Variants in RFC1 observed in about 807,000 individuals in gnomAD.
RFC1 encodes replication factor C subunit 1, also known as A1 140 kDa subunit.
Under a neutral mutation model 137.4 loss-of-function variants are expected in RFC1, and 37 were observed. That is an observed-to-expected ratio of 0.27 (90% CI 0.21 to 0.35). The LOEUF (loss-of-function observed/expected upper bound fraction) is 0.35. Ranked by LOEUF, RFC1 falls within the 10% of genes least tolerant of loss-of-function variation. The probability of loss-of-function intolerance (pLI) is 1.00; values close to 1 mark genes in which losing one functional copy is unlikely to be tolerated. For synonymous variants in RFC1, 429 were observed against 455.7 expected (o/e 0.94, Z 0.75); for missense variants, 1,205 against 1,358.5 (o/e 0.89, Z 1.78).
At chr4:39,325,515 T>C (rs1739718136) in intron 6 of RFC1, among the ~76,000 whole-genome samples, 1 of 152,208 alleles carries the variant, frequency 6.6e-6, no homozygotes, top group Non-Finnish European at 1.5e-5. Flanking sequence ...CCCAAGTATC[T>C]GGGACCACAG....
intron 1 of RFC1, among the ~76,000 whole-genome samples, chr4:39,352,209 T>C (rs762903702): frequency 6.6e-5 from 10 of 152,110 alleles, no homozygotes; most frequent in Non-Finnish European, 1.3e-4. Flanking sequence ...CTGTGGAACA[T>C]ATACTCCAGT....
intron 4 of RFC1, among the ~76,000 whole-genome samples, chr4:39,339,532 T>C (rs186085272): frequency 1.2e-4 from 18 of 152,316 alleles, no homozygotes; most frequent in African/African-American, 4.1e-4. Flanking sequence ...TTGGCCACTT[T>C]TATGCATTCT....
intron 14 of RFC1, among the ~76,000 whole-genome samples, chr4:39,305,855 T>G (rs1170736579): frequency 6.6e-6 from 1 of 152,168 alleles, no homozygotes; most frequent in African/African-American, 2.4e-5. Flanking sequence ...AAAAAAATGT[T>G]GTTTTGCTTT....
chr4:39,302,991 G>A lies in RFC1; in HGVS notation c.2202+69C>T, dbSNP rs573661338. ...CATGCCTTAACTGCCCTAAGTATGA[G>A]AGAATGACAATGTTCTAACAATCTA... On this transcript the variant is annotated intron_variant, in intron 16 of 24. Coordinates refer to ENST00000349703, the MANE Select transcript of RFC1 (RefSeq NM_002913.5). 68 of 1,476,546 alleles carry A rather than the reference G, an allele frequency of 4.6e-5. No homozygotes were observed. In the Middle Eastern group the frequency reaches 5.2e-4, roughly 11 times the overall value. 91.5% of individuals were successfully genotyped at this position (1,476,546 alleles called of 1,614,324 possible). A position where few individuals can be genotyped will look rare whatever the true frequency, so the allele number is the denominator to read the frequency against.
Position 39,303,137 on chromosome 4 carries a change from A to C in RFC1, c.2125T>G (p.Ser709Ala). Reference sequence around the variant, plus strand: ...ATGAGAGCATGTTTCGTGCTTACTGAAGAGGCTGCTCCATCTGACCCAGGT... The same window carrying C: ...ATGAGAGCATGTTTCGTGCTTACTGCAGAGGCTGCTCCATCTGACCCAGGT... The part of the protein sequence containing the change: ...KGFYSNGAAS[S>A]VSTKHALIMD... Residue 709 changes from serine (S) to alanine (A), a missense_variant, in exon 16 of 25, where the codon TCA (serine) becomes GCA (alanine). Coordinates refer to ENST00000349703, the MANE Select transcript of RFC1 (RefSeq NM_002913.5). 1 of 1,613,630 alleles carries C rather than the reference A, an allele frequency of 6.2e-7. No individual in the cohort carries two copies. Among genetic ancestry groups the C allele is most frequent in the East Asian group, 2.2e-5 (1 of 44,880 alleles).
In RFC1 at chr4:39,302,483, A is replaced by C; in HGVS notation, c.2436+17T>G. The C allele has an allele frequency of 2.0e-6, 3 of 1,530,718 alleles. No individual in the cohort carries two copies. The highest frequency in any genetic ancestry group is 2.7e-6 in the Non-Finnish European group (3 of 1,105,068). The allele number at this position is 1,530,718 out of a possible 1,614,324, so 94.8% of individuals were successfully genotyped here. On this transcript the variant is annotated intron_variant, in intron 18 of 24. Coordinates refer to ENST00000349703, the MANE Select transcript of RFC1 (RefSeq NM_002913.5). ...AAAAATAATCAACAACTGTTACATG[A>C]TATATATTTAATTTACCTGTCTGAT... is the stretch of plus-strand genomic sequence containing the variant.
At chr4:39,295,833 A>C (rs1395746818) in intron 21 of RFC1, 74 bp from the exon 22 acceptor site, 1 of 1,424,016 alleles carries the variant, frequency 7.0e-7, no homozygotes. Context: ...ATTGGCTTCC[A>C]AACAGTCTAC....
intron 1 of RFC1, among the ~76,000 whole-genome samples, chr4:39,353,057 T>C (rs996649518): frequency 2.0e-5 from 3 of 152,138 alleles, no homozygotes; most frequent in African/African-American, 7.2e-5. Context: ...CAAATAACTG[T>C]GGCTAAGCCA....
chr4:39,308,265 T>C (rs1004161245), intron 13 of RFC1, among the ~76,000 whole-genome samples: 3 of 152,184 alleles, frequency 2.0e-5, no homozygotes, highest in African/African-American at 7.2e-5. Flanking sequence ...TTCACCTAGC[T>C]AGCTCCTACT....
rs574188613 is a variant in RFC1, at chr4:39,293,446, T to C, written c.2955-1594A>G. 9.9e-5 allele frequency among the ~76,000 whole-genome samples: 15 copies of C among 152,204 alleles called. No homozygotes were observed. In the East Asian group the frequency reaches 2.5e-3, roughly 25 times the overall value. ...TGTCAGGGGAATAAAAATCAAAGCA[T>C]TCAGATTCTCAAAAGCATCTATGAC... On this transcript the variant is annotated intron_variant, in intron 22 of 24. Coordinates refer to ENST00000349703, the MANE Select transcript of RFC1 (RefSeq NM_002913.5).
chr4:39,338,250 A>G (rs1041545378), intron 4 of RFC1, among the ~76,000 whole-genome samples: 11 of 152,238 alleles, frequency 7.2e-5, no homozygotes, highest in Non-Finnish European at 1.6e-4. Flanking sequence ...AGTAGAAGAC[A>G]GATCTAATCA....
In RFC1 at chr4:39,346,851, A is replaced by G. The variant is rs77723868; in HGVS notation, c.133-1375T>C. Among the ~76,000 whole-genome samples, 573 of 152,330 alleles carry G rather than the reference A, an allele frequency of 3.8e-3. 3 individuals are homozygous for G. The highest frequency in any genetic ancestry group is 0.013 in the African/African-American group (547 of 41,564). ...AATTCTGCCTGTAAACTTTACCCAA[A>G]TCTCTGGCTATCTCCTGAATTATAC... On this transcript the variant is annotated intron_variant, in intron 2 of 24. Transcript: ENST00000349703.
chr4:39,302,991 G>C (rs573661338), intron 16 of RFC1, 69 bp downstream of exon 16: 1 of 1,476,428 alleles, frequency 6.8e-7, no homozygotes, highest in Non-Finnish European at 9.5e-7. Context: ...CTAAGTATGA[G>C]AGAATGACAA....
chr4:39,315,437 T>C (rs1049628308), intron 10 of RFC1, among the ~76,000 whole-genome samples: 1 of 152,246 alleles, frequency 6.6e-6, no homozygotes, highest in Non-Finnish European at 1.5e-5. Context: ...TCTCTTCTTG[T>C]TCTGTACTAG....
intron 4 of RFC1, among the ~76,000 whole-genome samples, chr4:39,336,574 C>T (rs1044042801): frequency 6.6e-6 from 1 of 152,270 alleles, no homozygotes; most frequent in African/African-American, 2.4e-5. Context: ...CTAACCTCCA[C>T]GTTACTGACA....
At position 39,329,127 on chromosome 4, in the gene RFC1, CAAAAAAAA is replaced by C. The variant is rs71594924; in HGVS notation, c.332-1379_332-1372del. Among the ~76,000 whole-genome samples the C allele has an allele frequency of 9.9e-3, 312 of 31,652 alleles. 4 individuals carry two copies. Among genetic ancestry groups the C allele is most frequent in the African/African-American group, 0.045 (265 of 5,842 alleles). 20.8% of individuals were successfully genotyped at this position (31,652 alleles called of 152,430 possible). ...TAAATTTGTTTGCTTCAGTGACTCACAAAAAAAAAAAAAAAAAAAAAAAAAAGCTTTTC... is the reference window on the plus strand; with the variant it reads ...TAAATTTGTTTGCTTCAGTGACTCACAAAAAAAAAAAAAAAAAAGCTTTTC... On this transcript the variant is annotated intron_variant, in intron 4 of 24. Coordinates refer to ENST00000349703, the MANE Select transcript of RFC1 (RefSeq NM_002913.5).
chr4:39,366,087 GC>G, intron 1 of RFC1, 151 bp downstream of exon 1: 1 of 803,726 alleles, frequency 1.2e-6, no homozygotes, highest in Non-Finnish European at 1.8e-6. Flanking sequence ...TGCGTCCAGT[GC>G]CCGGTGTGCG....
chr4:39,331,003 A>C (rs1297605925), intron 4 of RFC1, among the ~76,000 whole-genome samples: 2 of 152,120 alleles, frequency 1.3e-5, no homozygotes, highest in Non-Finnish European at 2.9e-5. Flanking sequence ...GCAAAAGGCT[A>C]GGTAACATCA....
At position 39,327,600 on chromosome 4, in the gene RFC1, G is replaced by A; in HGVS notation, c.488C>T (p.Thr163Ile). The change falls in exon 5 of 25, where the codon ACA (threonine) becomes ATA (isoleucine). Residue 163 changes from threonine to isoleucine, a missense_variant. Physicochemically the swap from Thr to Ile is moderately conservative, Grantham distance 89 (BLOSUM62 -1). Transcript: ENST00000349703. ...AGTTCCAAAATAATCAAGTACTGAT[G>A]TGGGTGTAAGTTTTATTGGTGATAA... ...KPLSPIKLTPTSVLDYFGTGS... is the reference protein window; with the variant it reads ...KPLSPIKLTPISVLDYFGTGS... 2 of 1,613,704 alleles carry A rather than the reference G, an allele frequency of 1.2e-6. No individual in the cohort carries two copies. The highest frequency in any genetic ancestry group is 1.7e-5 in the Admixed American group (1 of 60,000).
Sources: allele counts gnomAD v4.1 joint callset (sites outside exome capture counted in the v4.1 genomes callset), GRCh38; gene constraint gnomAD v4.1.1; transcripts MANE v1.5; gene names NCBI Gene and HGNC (gene_info 2026-07-23, HGNC 2026-07-21).